The following ZDHHC13 variants were observed in gnomAD, a reference collection of about 807,000 sequenced individuals.
The protein encoded by ZDHHC13 is zDHHC palmitoyltransferase 13.
A neutral mutation model predicts 86.0 loss-of-function variants in ZDHHC13; 85 were observed. That is an observed-to-expected ratio of 0.99 (90% CI 0.83 to 1.18). ZDHHC13 has a LOEUF of 1.18. ZDHHC13 is among the 50% of genes most tolerant of loss of function. The probability of loss-of-function intolerance (pLI) is 0.00; values close to 1 mark genes in which losing one functional copy is unlikely to be tolerated. For synonymous variants in ZDHHC13, 263 were observed against 246.4 expected, an observed-to-expected ratio of 1.07 and a Z score of -0.63; for missense variants, 711 against 730.2, an observed-to-expected ratio of 0.97 and a Z score of 0.30.
Position 19,170,396 on chromosome 11 carries a change from T to TTC in ZDHHC13, c.1475-14_1475-13insCT. On this transcript the variant is annotated splice_polypyrimidine_tract_variant and intron_variant, in intron 14 of 16. Transcript: ENST00000446113. ...TTGCCTTTTTTTTTTTTTTTTTTTT[T>TTC]TGGTGAATTCACAGATTTGTCCAGT... is the stretch of plus-strand genomic sequence containing the variant. 2 of 1,491,386 alleles carry TTC rather than the reference T, an allele frequency of 1.3e-6. No individual in the cohort carries two copies. Among genetic ancestry groups the TTC allele is most frequent in the East Asian group, 2.6e-5 (1 of 39,056 alleles). The allele number at this position is 1,491,386 out of a possible 1,614,324, so 92.4% of individuals were successfully genotyped here. A position where few individuals can be genotyped will look rare whatever the true frequency, so the allele number is the denominator to read the frequency against.
intron 1 of ZDHHC13, among the ~76,000 whole-genome samples, chr11:19,124,984 A>G (rs10741761): frequency 0.63 from 95,573 of 151,922 alleles, 31,515 homozygotes; most frequent in Admixed American, 0.75. Flanking sequence ...TCAAGGAGCC[A>G]CAAAGGGATT....
rs1424725963 is a variant in ZDHHC13, at chr11:19,149,170, T to C, written c.375-17T>C. ...TTTCTGCATGCTACAGAATGGCTTT[T>C]TGTCTTCTATTTGCAGACAAGGACA... On this transcript the variant is annotated splice_polypyrimidine_tract_variant and intron_variant, in intron 4 of 16. Coordinates refer to ENST00000446113, the MANE Select transcript of ZDHHC13 (RefSeq NM_019028.3). 2 of 1,524,020 alleles carry C rather than the reference T, an allele frequency of 1.3e-6. No individual in the cohort carries two copies. The highest frequency in any genetic ancestry group is 3.7e-5 in the Admixed American group (2 of 53,666). The allele number at this position is 1,524,020 out of a possible 1,614,324, so 94.4% of individuals were successfully genotyped here.
intron 9 of ZDHHC13, among the ~76,000 whole-genome samples, chr11:19,158,025 T>C (rs2133445489): frequency 6.6e-6 from 1 of 152,008 alleles, no homozygotes; most frequent in South Asian, 2.1e-4. Context: ...GTCAAATGCA[T>C]TTTTTGCTGC....
Position 19,129,547 on chromosome 11 carries a change from A to G in ZDHHC13, c.27+12271A>G, listed in dbSNP as rs1848944839. Among the ~76,000 whole-genome samples, 4 of 152,010 alleles carry G rather than the reference A, an allele frequency of 2.6e-5. No homozygotes were observed. In the South Asian group the frequency reaches 6.2e-4, roughly 24 times the overall value. On this transcript the variant is annotated intron_variant, in intron 1 of 16. Transcript: ENST00000446113. ...ATGAATATATATTTTTTACTGTTTT[A>G]TATTTGAATATATATTTTATTCTGT...
chr11:19,153,227 A>G (rs1849661363), intron 8 of ZDHHC13, among the ~76,000 whole-genome samples: 1 of 152,170 alleles, frequency 6.6e-6, no homozygotes, highest in South Asian at 2.1e-4. Flanking sequence ...TAGCTTAGCA[A>G]TTCTGTGTGG....
intron 1 of ZDHHC13, among the ~76,000 whole-genome samples, chr11:19,119,000 A>G (rs1183983765): frequency 6.6e-6 from 1 of 152,224 alleles, no homozygotes; most frequent in Non-Finnish European, 1.5e-5. Flanking sequence ...AAAACAGACA[A>G]AAACATTACT....
At chr11:19,141,185 A>G (rs551138004) in intron 1 of ZDHHC13, among the ~76,000 whole-genome samples, 1 of 152,206 alleles carries the variant, frequency 6.6e-6, no homozygotes, top group Non-Finnish European at 1.5e-5. Context: ...TTTAACAGGA[A>G]TCTATTTCTA....
intron 1 of ZDHHC13, among the ~76,000 whole-genome samples, chr11:19,138,959 A>G (rs1354362018): frequency 6.6e-6 from 1 of 151,932 alleles, no homozygotes; most frequent in Non-Finnish European, 1.5e-5. Context: ...CCAATATCAT[A>G]CTGAATGGGC....
intron 1 of ZDHHC13, among the ~76,000 whole-genome samples, chr11:19,137,768 C>T (rs1359238377): frequency 3.9e-5 from 6 of 152,042 alleles, no homozygotes; most frequent in South Asian, 2.1e-4. Context: ...CACTCAAAAC[C>T]GCTCAACTAC....
intron 16 of ZDHHC13, among the ~76,000 whole-genome samples, chr11:19,175,124 C>T (rs992641852): frequency 2.0e-5 from 3 of 151,968 alleles, no homozygotes; most frequent in Non-Finnish European, 2.9e-5. Flanking sequence ...TGCGGTGGCT[C>T]ATGCCTGTAA....
At chr11:19,139,490 C>T (rs1391191746) in intron 1 of ZDHHC13, among the ~76,000 whole-genome samples, 1 of 114,714 alleles carries the variant, frequency 8.7e-6, no homozygotes, top group African/African-American at 2.8e-5. Flanking sequence ...CCCTAATGCC[C>T]AAGGTAATTT....
chr11:19,143,848 T>C (rs1849387591), intron 2 of ZDHHC13, among the ~76,000 whole-genome samples: 1 of 152,218 alleles, frequency 6.6e-6, no homozygotes, highest in Non-Finnish European at 1.5e-5. Flanking sequence ...TTGAAGTATT[T>C]TGTACATCAG....
intron 1 of ZDHHC13, among the ~76,000 whole-genome samples, chr11:19,133,306 A>G (rs1318416241): frequency 3.3e-5 from 5 of 151,990 alleles, no homozygotes; most frequent in Non-Finnish European, 5.9e-5. Flanking sequence ...CATATCTTCA[A>G]AGCCAACAGT....
chr11:19,153,386 A>C (rs927862059), intron 8 of ZDHHC13, among the ~76,000 whole-genome samples: 12 of 152,336 alleles, frequency 7.9e-5, no homozygotes, highest in African/African-American at 2.9e-4. Flanking sequence ...CACTGTTTCT[A>C]GTGTTTTCAA....
In ZDHHC13 at chr11:19,175,735, A is replaced by G. The variant is rs1184434239; in HGVS notation, c.1731-87A>G. On this transcript the variant is annotated intron_variant, in intron 16 of 16. Transcript: ENST00000446113. ...GATTTCTGCAAGATGTTCAAAGGACATTGCATATTATAGATTCTCCATAAA... is the reference window on the plus strand; with the variant it reads ...GATTTCTGCAAGATGTTCAAAGGACGTTGCATATTATAGATTCTCCATAAA... The G allele has an allele frequency of 3.7e-5, 56 of 1,494,564 alleles. No individual in the cohort carries two copies. The East Asian group carries it at 1.1e-3, about 31-fold the overall frequency. The allele number at this position is 1,494,564 out of a possible 1,614,324, so 92.6% of individuals were successfully genotyped here. A position where few individuals can be genotyped will look rare whatever the true frequency, so the allele number is the denominator to read the frequency against.
chr11:19,129,105 A>G (rs542203038), intron 1 of ZDHHC13, among the ~76,000 whole-genome samples: 1 of 152,372 alleles, frequency 6.6e-6, no homozygotes, highest in African/African-American at 2.4e-5. Flanking sequence ...GGTACAGTAT[A>G]AAAGCATTTG....
At chr11:19,166,247 T>C in intron 13 of ZDHHC13, 55 bp from the exon 14 acceptor site, 1 of 1,445,342 alleles carries the variant, frequency 6.9e-7, no homozygotes, top group Non-Finnish European at 9.4e-7. Flanking sequence ...AGGTCTTATG[T>C]TGAAAATCAG....
intron 8 of ZDHHC13, among the ~76,000 whole-genome samples, chr11:19,153,496 A>G (rs1351566908): frequency 6.6e-6 from 1 of 152,212 alleles, no homozygotes; most frequent in East Asian, 1.9e-4. Context: ...ATCATCATGA[A>G]TGCTACACTG....
intron 1 of ZDHHC13, among the ~76,000 whole-genome samples, chr11:19,133,060 T>G (rs1241447086): frequency 6.6e-6 from 1 of 152,148 alleles, no homozygotes; most frequent in Non-Finnish European, 1.5e-5. Flanking sequence ...TGCTTAAACA[T>G]GTACTTTATA....
Sources: gnomAD v4.1 joint callset for allele counts (sites outside exome capture counted in the v4.1 genomes callset) on GRCh38, gnomAD v4.1.1 for gene constraint, MANE v1.5 for transcripts, NCBI Gene and HGNC (gene_info 2026-07-23, HGNC 2026-07-21) for gene names.